SPTBN5: variants seen among roughly 807,000 people sequenced by gnomAD.
SPTBN5 encodes the protein spectrin beta chain, non-erythrocytic 5.
SPTBN5 carries 513 observed loss-of-function variants against 477.6 expected under a neutral mutation model. The ratio of observed to expected loss-of-function variants is 1.07; its 90% CI spans 1.00 to 1.16. The LOEUF is 1.16. Ranked by LOEUF, SPTBN5 falls within the 50% of genes most tolerant of loss-of-function variation. SPTBN5 has a pLI of 0.00. For missense variants in SPTBN5, 5,062 were observed against 4,731.8 expected (o/e 1.07, Z -2.05); for synonymous variants, 2,169 against 2,011.7 (o/e 1.08, Z -2.09).
At chr15:41,888,837 G>T (rs1283855083) in intron 4 of SPTBN5, among the ~76,000 whole-genome samples, 1 of 152,350 alleles carries the variant, frequency 6.6e-6, no homozygotes, top group Non-Finnish European at 1.5e-5. Context: ...CCCAGAGCTT[G>T]GGTAGGAAGG....
At chr15:41,852,158 C>A in intron 62 of SPTBN5, 24 bp downstream of exon 62, 1 of 1,558,860 alleles carries the variant, frequency 6.4e-7, no homozygotes, top group South Asian at 1.2e-5. Context: ...GCGGGGGTGC[C>A]TGCAGCCCCA....
chr15:41,856,186 C>A (rs978323999), intron 53 of SPTBN5, among the ~76,000 whole-genome samples, 200 bp downstream of exon 53: 1 of 152,218 alleles, frequency 6.6e-6, no homozygotes, highest in South Asian at 2.1e-4. Context: ...ACCCACTGAT[C>A]TAGAGGGAAA....
Position 41,878,575 on chromosome 15 carries a change from T to C in SPTBN5, c.3237A>G (p.Thr1079=), listed in dbSNP as rs1388236764. The C allele has an allele frequency of 6.2e-7, 1 of 1,612,848 alleles. No individual in the cohort carries two copies. The highest frequency in any genetic ancestry group is 8.5e-7 in the Non-Finnish European group (1 of 1,179,762). The change falls in exon 17 of 68, where the codon ACA becomes ACG. Residue 1079 remains threonine, a synonymous_variant. Coordinates refer to ENST00000320955, the MANE Select transcript of SPTBN5 (RefSeq NM_016642.4). Reference sequence around the variant, plus strand: ...GTACTTGCTTCAGCAGCCCCTGCAGTGTCTCCACCTGTCCTTGCAGAGGCT... The same window carrying C: ...GTACTTGCTTCAGCAGCCCCTGCAGCGTCTCCACCTGTCCTTGCAGAGGCT... ...ESQPLQGQVE[T]LQGLLKQVQE...
chr15:41,848,524 G>A lies in SPTBN5; in HGVS notation c.*92C>T, dbSNP rs981923447. On this transcript the variant is annotated 3_prime_UTR_variant, in exon 68 of 68. Coordinates refer to ENST00000320955, the MANE Select transcript of SPTBN5 (RefSeq NM_016642.4). Reference sequence around the variant, plus strand: ...ACTGGGTTGAAGCAGCCACGGGAAGGAGCCCTTTTGCCTGTAGCTGAGTCT... The same window carrying A: ...ACTGGGTTGAAGCAGCCACGGGAAGAAGCCCTTTTGCCTGTAGCTGAGTCT... 1.3e-6 allele frequency: 2 copies of A among 1,482,062 alleles called. No individual in the cohort carries two copies. Among genetic ancestry groups the A allele is most frequent in the South Asian group, 1.1e-5 (1 of 88,482 alleles). The allele number at this position is 1,482,062 out of a possible 1,614,324, so 91.8% of individuals were successfully genotyped here. A position where few individuals can be genotyped will look rare whatever the true frequency, so the allele number is the denominator to read the frequency against.
chr15:41,878,466 G>A lies in SPTBN5; in HGVS notation c.3346C>T (p.Leu1116=), dbSNP rs2066823117. The part of the protein sequence containing the change: ...SFLQESQQLL[L]WAESVQAQLR... ...TGAGCCTGGACACTCTCTGCCCACAGTAGCAGTTGCTGGCTCTCTTGCAGG... is the reference window on the plus strand; with the variant it reads ...TGAGCCTGGACACTCTCTGCCCACAATAGCAGTTGCTGGCTCTCTTGCAGG... The change falls in exon 17 of 68, where the codon CTG becomes TTG. Residue 1116 remains leucine, a synonymous_variant. Coordinates refer to ENST00000320955, the MANE Select transcript of SPTBN5 (RefSeq NM_016642.4). The A allele has an allele frequency of 6.2e-7, 1 of 1,613,600 alleles. No individual in the cohort carries two copies. The highest frequency in any genetic ancestry group is 8.5e-7 in the Non-Finnish European group (1 of 1,179,854).
chr15:41,882,693 G>A lies in SPTBN5; in HGVS notation c.1938C>T (p.Arg646=). 1 of 1,609,572 alleles carries A rather than the reference G, an allele frequency of 6.2e-7. No homozygotes were observed. The highest frequency in any genetic ancestry group is 8.5e-7 in the Non-Finnish European group (1 of 1,178,334). ...GCCAGGCTTCCTCCTCCTCACAGTT[G>A]CGCAGGAACTCTGCCCGCTGCAGGG... ...EQTLQRAEFL[R]NCEEEEAWLK... Residue 646 remains arginine (R), a synonymous_variant, in exon 10 of 68, where the codon CGC becomes CGT. Transcript: ENST00000320955.
chr15:41,861,651 C>G, intron 45 of SPTBN5, 84 bp downstream of exon 45: 1 of 1,508,190 alleles, frequency 6.6e-7, no homozygotes, highest in Non-Finnish European at 8.9e-7. Context: ...CCCCTCCAGT[C>G]TTAGCCTTGA....
Position 41,853,431 on chromosome 15 carries a change from T to C in SPTBN5, c.9997A>G (p.Arg3333Gly), listed in dbSNP as rs747204416. ...TCCTCGGAGGACGCCAGCTCCTGCC[T>C]CTCCTGTGCCCATGCTCTGTGGGGC... Reference protein sequence around the residue: ...CQELLAWAQERQELASSEELA... With the variant: ...CQELLAWAQEGQELASSEELA... The change falls in exon 59 of 68, where the codon AGG (arginine) becomes GGG (glycine). Residue 3333 changes from arginine (R) to glycine (G), a missense_variant. Arg to Gly is a moderately radical substitution (Grantham distance 125, BLOSUM62 -2). Transcript: ENST00000320955. The C allele has an allele frequency of 1.3e-6, 2 of 1,585,968 alleles. No homozygotes were observed. The highest frequency in any genetic ancestry group is 1.7e-5 in the Admixed American group (1 of 57,846).
At position 41,852,926 on chromosome 15, in the gene SPTBN5, G is replaced by C. The variant is rs756025211; in HGVS notation, c.10245C>G (p.Arg3415=). 9.0e-5 allele frequency: 143 copies of C among 1,590,476 alleles called. No homozygotes were observed. The highest frequency in any genetic ancestry group is 1.1e-4 in the Non-Finnish European group (134 of 1,169,402). Residue 3415 remains arginine, a synonymous_variant, in exon 60 of 68, where the codon CGC becomes CGG. Coordinates refer to ENST00000320955, the MANE Select transcript of SPTBN5 (RefSeq NM_016642.4). The part of the protein sequence containing the change: ...LEEAWALRWQ[R]CAESWGLQKL... ...TCTGCAGGCCCCAGCTCTCGGCACA[G>C]CGTTGCCAGCGCAGGGCCCAAGCCT...
intron 7 of SPTBN5, among the ~76,000 whole-genome samples, chr15:41,884,889 C>A (rs1456006627): frequency 1.3e-5 from 2 of 152,218 alleles, no homozygotes; most frequent in African/African-American, 2.4e-5. Flanking sequence ...TTTCCTCCGC[C>A]TAGAATACTC....
chr15:41,851,300 C>T lies in SPTBN5; in HGVS notation c.10726G>A (p.Glu3576Lys), dbSNP rs1460558502. The T allele has an allele frequency of 2.6e-6, 4 of 1,551,122 alleles. No homozygotes were observed. The highest frequency in any genetic ancestry group is 3.5e-6 in the Non-Finnish European group (4 of 1,147,016). Residue 3576 changes from glutamate to lysine, a missense_variant, in exon 64 of 68, where the codon GAG (glutamate) becomes AAG (lysine). Transcript: ENST00000320955. ...QGSSLSLFLD[E>K]RMAAEKVASI... ...CCTGGTACCTCCGCTGCCATCCTCT[C>T]ATCCAGGAACAGGCTCAGAGAGCTG... is the stretch of plus-strand genomic sequence containing the variant.
At chr15:41,850,589 G>T in intron 66 of SPTBN5, 1 of 490,020 alleles carries the variant, frequency 2.0e-6, no homozygotes, top group African/African-American at 1.9e-5. Context: ...CTGAGTGGCA[G>T]ACTCCAAAAG....
At position 41,853,624 on chromosome 15, in the gene SPTBN5, G is replaced by A. The variant is rs2065845467; in HGVS notation, c.9938C>T (p.Ala3313Val). 1.3e-6 allele frequency: 2 copies of A among 1,591,576 alleles called. No individual in the cohort carries two copies. The highest frequency in any genetic ancestry group is 1.7e-6 in the Non-Finnish European group (2 of 1,169,874). ...CCCGAGGAAGGCATGGCCCTGTGCAGCCTGCGCCAGCCACTGGCCTCGCTC... is the reference window on the plus strand; with the variant it reads ...CCCGAGGAAGGCATGGCCCTGTGCAACCTGCGCCAGCCACTGGCCTCGCTC... ...AQERGQWLAQ[A>V]AQGHAFLGRC... is the part of the protein sequence containing the mutation. Residue 3313 changes from alanine to valine, a missense_variant, in exon 58 of 68, where the codon GCT (alanine) becomes GTT (valine). Ala to Val is a moderately conservative substitution (Grantham distance 64, BLOSUM62 0). Transcript: ENST00000320955.
At chr15:41,849,982 C>CTGTT in intron 66 of SPTBN5, 23 bp from the exon 67 acceptor site, 2 of 1,558,684 alleles carry the variant, frequency 1.3e-6, no homozygotes, top group African/African-American at 1.4e-5. Context: ...GGAATAACCA[C>CTGTT]TGTTAGCCCG....
rs749282743 is a variant in SPTBN5 at position 41,860,772 on chromosome 15, G to T, written c.7816-14C>A. The T allele has an allele frequency of 1.3e-6, 2 of 1,561,770 alleles. No homozygotes were observed. Among genetic ancestry groups the T allele is most frequent in the African/African-American group, 2.7e-5 (2 of 73,612 alleles). ...GGCCAAGGGGTCCTGGTGGGAGTGG[G>T]GAACCCAATACTGTCCATGAGCCTC... On this transcript the variant is annotated splice_polypyrimidine_tract_variant and intron_variant, in intron 46 of 67. Coordinates refer to ENST00000320955, the MANE Select transcript of SPTBN5 (RefSeq NM_016642.4).
Position 41,874,985 on chromosome 15 carries a change from G to A in SPTBN5, c.4359C>T (p.Ser1453=). 14 of 1,613,754 alleles carry A rather than the reference G, an allele frequency of 8.7e-6. No individual in the cohort carries two copies. The highest frequency in any genetic ancestry group is 1.2e-5 in the Non-Finnish European group (14 of 1,179,880). The change falls in exon 23 of 68, where the codon TCC becomes TCT. Residue 1453 remains serine (S), a synonymous_variant. Transcript: ENST00000320955. ...GGTGCCGTTTCTGCAGCCTCTGGCT[G>A]GAGCGCAGGTCCTGCCCTGTTTCCG... ...QSSETGQDLR[S]SQRLQKRHQQ...
chr15:41,861,421 A>G lies in SPTBN5; in HGVS notation c.7813T>C (p.Trp2605Arg). 1 of 1,613,106 alleles carries G rather than the reference A, an allele frequency of 6.2e-7. No homozygotes were observed. The highest frequency in any genetic ancestry group is 8.5e-7 in the Non-Finnish European group (1 of 1,179,476). Reference protein sequence around the residue: ...KEDSLASEGLWDPLAPMEPLL... With the variant: ...KEDSLASEGLRDPLAPMEPLL... ...GCCCATTCCTGCTGGGCACCTACCC[A>G]TAGACCCTCACTGGCTAGGGAGTCT... The change falls in exon 46 of 68, where the codon TGG becomes CGG. Residue 2605 changes from tryptophan (W) to arginine (R), a missense_variant and splice_region_variant. Trp to Arg is a moderately radical substitution (Grantham distance 101). Coordinates refer to ENST00000320955, the MANE Select transcript of SPTBN5 (RefSeq NM_016642.4).
At position 41,879,029 on chromosome 15, in the gene SPTBN5, G is replaced by A. The variant is rs1209509058; in HGVS notation, c.3182+231C>T. ...TCCAGTGAGCCGAGATCACGCCACT[G>A]CACTCAGCCCGGGCGACAGAGCAAG... is the stretch of plus-strand genomic sequence containing the variant. On this transcript the variant is annotated intron_variant, in intron 16 of 67. Transcript: ENST00000320955. 2.0e-5 allele frequency among the ~76,000 whole-genome samples: 3 copies of A among 152,248 alleles called. No individual in the cohort carries two copies. The East Asian group carries it at 5.8e-4, about 29-fold the overall frequency.
Position 41,871,836 on chromosome 15 carries a change from C to T in SPTBN5, c.5247G>A (p.Gln1749=). The T allele has an allele frequency of 1.3e-6, 2 of 1,590,724 alleles. No homozygotes were observed. The highest frequency in any genetic ancestry group is 1.7e-6 in the Non-Finnish European group (2 of 1,169,184). The part of the protein sequence containing the change: ...AEDLQGWLAS[Q]KQAAKGGESL... Reference sequence around the variant, plus strand: ...TCTCCCCTCCTTTGGCTGCCTGCTTCTGGCTTGCCAGCCAGCCCTGCAGGT... The same window carrying T: ...TCTCCCCTCCTTTGGCTGCCTGCTTTTGGCTTGCCAGCCAGCCCTGCAGGT... The change falls in exon 28 of 68, where the codon CAG becomes CAA. Residue 1749 remains glutamine (Q), a synonymous_variant. Transcript: ENST00000320955.
Sources: allele counts gnomAD v4.1 joint callset (sites outside exome capture counted in the v4.1 genomes callset), GRCh38; gene constraint gnomAD v4.1.1; transcripts MANE v1.5; gene names NCBI Gene and HGNC (gene_info 2026-07-23, HGNC 2026-07-21).